PRKCA: variants seen among roughly 807,000 people sequenced by gnomAD.
The protein encoded by PRKCA is protein kinase C alpha type.
A neutral mutation model predicts 87.0 loss-of-function variants in PRKCA; 27 were observed. The observed-to-expected ratio is 0.31, with a 90% CI of 0.23 to 0.43. The LOEUF is 0.43. Ranked by LOEUF, PRKCA falls within the 20% of genes least tolerant of loss-of-function variation. The pLI, the probability that PRKCA is intolerant of heterozygous loss-of-function variation, is 1.00. For missense variants in PRKCA, 518 were observed against 852.3 expected (o/e 0.61, Z 4.88); for synonymous variants, 329 against 311.1 (o/e 1.06, Z -0.61).
chr17:66,526,455 C>G (rs1347225866), intron 3 of PRKCA, among the ~76,000 whole-genome samples: 1 of 152,162 alleles, frequency 6.6e-6, no homozygotes, highest in Non-Finnish European at 1.5e-5. Context: ...ATCTCGGCCT[C>G]TCATTGTGAG....
intron 2 of PRKCA, among the ~76,000 whole-genome samples, chr17:66,399,105 T>C (rs5021556): frequency 2.7e-4 from 5 of 18,376 alleles, no homozygotes; most frequent in African/African-American, 4.6e-4. Flanking sequence ...CTTTTCTTTT[T>C]TTTTTTTTTT....
intron 3 of PRKCA, among the ~76,000 whole-genome samples, chr17:66,628,162 GAC>G (rs1567941386): frequency 1.3e-5 from 2 of 151,892 alleles, no homozygotes; most frequent in African/African-American, 2.4e-5. Context: ...ATCAAAAACA[GAC>G]CTCTGCCTCT....
At chr17:66,751,183 T>C (rs1171748936) in intron 13 of PRKCA, among the ~76,000 whole-genome samples, 1 of 152,248 alleles carries the variant, frequency 6.6e-6, no homozygotes, top group Non-Finnish European at 1.5e-5. Context: ...CATGAGAGAT[T>C]ACTAACATTT....
chr17:66,631,020 A>G (rs1351913790), intron 3 of PRKCA, among the ~76,000 whole-genome samples: 1 of 152,086 alleles, frequency 6.6e-6, no homozygotes, highest in Non-Finnish European at 1.5e-5. Context: ...TGATGACACC[A>G]TTTCCAAGCA....
At chr17:66,451,612 T>A (rs894598479) in intron 2 of PRKCA, among the ~76,000 whole-genome samples, 10 of 152,294 alleles carry the variant, frequency 6.6e-5, no homozygotes, top group African/African-American at 2.4e-4. Flanking sequence ...GGAGTAGTTG[T>A]ACTTTGATCA....
chr17:66,449,812 G>A (rs996204077), intron 2 of PRKCA, among the ~76,000 whole-genome samples: 1 of 152,164 alleles, frequency 6.6e-6, no homozygotes, highest in African/African-American at 2.4e-5. Flanking sequence ...ATCTCCCACC[G>A]TGGTTGGATG....
intron 8 of PRKCA, among the ~76,000 whole-genome samples, chr17:66,701,856 G>A (rs1973072215): frequency 6.6e-6 from 1 of 152,110 alleles, no homozygotes; most frequent in South Asian, 2.1e-4. Flanking sequence ...GATATACACT[G>A]TTGGTGGGAA....
intron 3 of PRKCA, among the ~76,000 whole-genome samples, chr17:66,499,246 A>T (rs1446717379): frequency 1.3e-5 from 2 of 151,948 alleles, no homozygotes; most frequent in Non-Finnish European, 2.9e-5. Flanking sequence ...GCTCTAAGGA[A>T]CTCCAACATG....
At chr17:66,738,040 G>C (rs1974076254) in intron 10 of PRKCA, among the ~76,000 whole-genome samples, 1 of 152,138 alleles carries the variant, frequency 6.6e-6, no homozygotes. Flanking sequence ...TTATTTCACT[G>C]TTAAACCCCT....
intron 8 of PRKCA, among the ~76,000 whole-genome samples, chr17:66,728,062 G>A (rs1973799239): frequency 6.6e-6 from 1 of 152,316 alleles, no homozygotes; most frequent in South Asian, 2.1e-4. Flanking sequence ...TACCATAACA[G>A]AGCTGCTTTC....
chr17:66,700,032 C>T (rs967946658), intron 8 of PRKCA, among the ~76,000 whole-genome samples: 4 of 152,176 alleles, frequency 2.6e-5, no homozygotes, highest in Non-Finnish European at 5.9e-5. Flanking sequence ...CCAATATATC[C>T]AATGAACAGA....
intron 3 of PRKCA, among the ~76,000 whole-genome samples, chr17:66,535,256 A>G (rs1967733875): frequency 6.6e-6 from 1 of 152,122 alleles, no homozygotes; most frequent in East Asian, 1.9e-4. Context: ...CCTCTTGCAC[A>G]TCTCATATTT....
intron 13 of PRKCA, among the ~76,000 whole-genome samples, chr17:66,766,039 C>T (rs1974805775): frequency 6.6e-6 from 1 of 152,180 alleles, no homozygotes; most frequent in Non-Finnish European, 1.5e-5. Flanking sequence ...CCTATTGTTA[C>T]AATTGAAGGC....
chr17:66,404,037 T>C (rs746739753), intron 2 of PRKCA: 2 of 152,236 alleles, frequency 1.3e-5, no homozygotes, highest in African/African-American at 2.4e-5. Context: ...TACATACGCT[T>C]CATCATGTTG....
intron 3 of PRKCA, among the ~76,000 whole-genome samples, chr17:66,534,241 A>G (rs1967682730): frequency 6.6e-6 from 1 of 152,098 alleles, no homozygotes. Context: ...AGCAGGCGGA[A>G]TTGGGGTCTC....
intron 3 of PRKCA, among the ~76,000 whole-genome samples, chr17:66,549,191 A>G (rs1968253199): frequency 6.8e-6 from 1 of 146,802 alleles, no homozygotes; most frequent in African/African-American, 2.5e-5. Context: ...TGCAGGTGCC[A>G]TTATTGCCTC....
chr17:66,377,721 A>ATATTTT (rs1350881561), intron 2 of PRKCA, among the ~76,000 whole-genome samples: 5 of 69,142 alleles, frequency 7.2e-5, no homozygotes, highest in East Asian at 4.8e-4. Context: ...ATATATATAT[A>ATATTTT]TTTTTTTTTT....
At chr17:66,400,218 C>T (rs1306046179) in intron 2 of PRKCA, among the ~76,000 whole-genome samples, 6 of 152,180 alleles carry the variant, frequency 3.9e-5, no homozygotes, top group Non-Finnish European at 8.8e-5. Context: ...GTGGCACAGT[C>T]TCGGCTCACT....
intron 2 of PRKCA, among the ~76,000 whole-genome samples, chr17:66,468,943 C>G (rs185713356): frequency 2.0e-5 from 3 of 152,280 alleles, no homozygotes; most frequent in Admixed American, 2.0e-4. Flanking sequence ...AGTAGCTCAG[C>G]CCAGTTCCCT....
Sources: allele counts gnomAD v4.1 joint callset (sites outside exome capture counted in the v4.1 genomes callset), GRCh38; gene constraint gnomAD v4.1.1; transcripts MANE v1.5; gene names NCBI Gene and HGNC (gene_info 2026-07-23, HGNC 2026-07-21).